SLC26A9: variants seen among roughly 807,000 people sequenced by gnomAD.
The protein encoded by SLC26A9 is solute carrier family 26 member 9.
In SLC26A9, 46 loss-of-function variants were observed where a neutral mutation model predicts 87.1. The observed-to-expected ratio is 0.53, with a 90% confidence interval of 0.42 to 0.67. The LOEUF (loss-of-function observed/expected upper bound fraction) is 0.67. SLC26A9 is among the 30% of genes least tolerant of loss of function. The probability of loss-of-function intolerance (pLI) is 0.00; values close to 1 mark genes in which losing one functional copy is unlikely to be tolerated. For missense variants in SLC26A9, 927 were observed against 1,018.3 expected (o/e 0.91, Z 1.22); for synonymous variants, 437 against 409.1 (o/e 1.07, Z -0.82).
chr1:205,941,306 T>C (rs1416699931), intron 1 of SLC26A9, among the ~76,000 whole-genome samples: 1 of 152,100 alleles, frequency 6.6e-6, no homozygotes, highest in Non-Finnish European at 1.5e-5. Flanking sequence ...GGAGCTGGGA[T>C]TACTGGTGCG....
chr1:205,920,080 C>A, intron 18 of SLC26A9, 96 bp downstream of exon 18: 1 of 1,429,908 alleles, frequency 7.0e-7, no homozygotes, highest in African/African-American at 1.4e-5. Flanking sequence ...TGGGTGCTCT[C>A]GTTTCCAACC....
At chr1:205,929,438 G>C (rs940685245) in intron 6 of SLC26A9, 82 bp from the exon 7 acceptor site, 3 of 1,554,808 alleles carry the variant, frequency 1.9e-6, no homozygotes, top group Non-Finnish European at 2.6e-6. Flanking sequence ...ACCCAGGGAA[G>C]GGATGCCATC....
Position 205,914,876 on chromosome 1 carries a change from C to A in SLC26A9, c.*481G>T, listed in dbSNP as rs1658510172. 3.8e-6 allele frequency: 6 copies of A among 1,596,976 alleles called. No homozygotes were observed. Among genetic ancestry groups the A allele is most frequent in the Non-Finnish European group, 5.1e-6 (6 of 1,170,734 alleles). On this transcript the variant is annotated 3_prime_UTR_variant, in exon 21 of 21. Transcript: ENST00000367135. ...CAGCTGGGGAAGGCAAGCCAGAGTC[C>A]TAACCAAGTTTATCCCTATGTCCGT... is the stretch of plus-strand genomic sequence containing the variant.
Position 205,938,777 on chromosome 1 carries a change from A to G in SLC26A9, c.-18-2939T>C, listed in dbSNP as rs144919159. Among the ~76,000 whole-genome samples, 3 of 151,816 alleles carry G rather than the reference A, an allele frequency of 2.0e-5. No homozygotes were observed. In the East Asian group the frequency reaches 5.8e-4, roughly 29 times the overall value. On this transcript the variant is annotated intron_variant, in intron 1 of 20. Transcript: ENST00000367135. The stretch of plus-strand genomic sequence containing the variant: ...TGAAGCCTTTCCTGACCACCTTGAA[A>G]CCCTGAAGGATTTCTCTTTCTCCCA...
intron 7 of SLC26A9, 29 bp downstream of exon 7, chr1:205,929,175 A>G (rs757919437): frequency 1.2e-5 from 19 of 1,598,468 alleles, no homozygotes; most frequent in African/African-American, 2.7e-5. Flanking sequence ...CTGGCCCCCC[A>G]ACATCCCAGC....
At chr1:205,935,559 C>G in intron 2 of SLC26A9, 137 bp downstream of exon 2, 1 of 1,352,798 alleles carries the variant, frequency 7.4e-7, no homozygotes, top group Non-Finnish European at 1.0e-6. Context: ...ATCTTAAATT[C>G]ATCATTCAGA....
chr1:205,925,849 G>A (rs1456180912), intron 12 of SLC26A9, among the ~76,000 whole-genome samples: 2 of 152,220 alleles, frequency 1.3e-5, no homozygotes, highest in South Asian at 2.1e-4. Context: ...AGGCAGTGTC[G>A]TCAAAACACA....
chr1:205,921,392 A>C (rs1658820591), intron 17 of SLC26A9, among the ~76,000 whole-genome samples, 174 bp downstream of exon 17: 1 of 152,070 alleles, frequency 6.6e-6, no homozygotes, highest in African/African-American at 2.4e-5. Context: ...TGCTCTGTGG[A>C]GAATGTCTCA....
rs7549173 is a variant in SLC26A9, at chr1:205,937,769, C to A, written c.-18-1931G>T. Among the ~76,000 whole-genome samples the A allele has an allele frequency of 2.6e-5, 4 of 151,946 alleles. No homozygotes were observed. The East Asian group carries it at 7.7e-4, about 29-fold the overall frequency. ...TCTGGCTGTCCAGGTGGTTTGCCTG[C>A]GGGGGCTCAATGAGTGGGGAGCATG... On this transcript the variant is annotated intron_variant, in intron 1 of 20. Coordinates refer to ENST00000367135, the MANE Select transcript of SLC26A9 (RefSeq NM_052934.4).
intron 16 of SLC26A9, among the ~76,000 whole-genome samples, chr1:205,922,375 G>T (rs563095214): frequency 2.8e-4 from 43 of 152,304 alleles, no homozygotes; most frequent in African/African-American, 1.0e-3. Context: ...CTGAACTCAT[G>T]AGAGTGATTC....
rs778172781 is a variant in SLC26A9, at chr1:205,935,704, A to G, written c.117T>C (p.Asn39=). ...RTYPVGEKLR[N]AFRCSSAKIK... is the part of the protein sequence containing the mutation. The stretch of plus-strand genomic sequence containing the variant: ...GGCTCTGGACCAGTTACCTGAAGGC[A>G]TTGCGAAGTTTCTCTCCCACTGGGT... Residue 39 remains asparagine (N), a synonymous_variant, in exon 2 of 21, where the codon AAT becomes AAC. Coordinates refer to ENST00000367135, the MANE Select transcript of SLC26A9 (RefSeq NM_052934.4). 1.2e-6 allele frequency: 2 copies of G among 1,614,036 alleles called. No homozygotes were observed. Among genetic ancestry groups the G allele is most frequent in the South Asian group, 2.2e-5 (2 of 91,072 alleles).
At chr1:205,921,539 G>A in intron 17 of SLC26A9, 27 bp downstream of exon 17, 1 of 1,594,592 alleles carries the variant, frequency 6.3e-7, no homozygotes, top group Non-Finnish European at 8.5e-7. Flanking sequence ...TGGAGTGGGT[G>A]GTGCTTGCTG....
chr1:205,921,931 G>A (rs193111310), intron 16 of SLC26A9, 84 bp from the exon 17 acceptor site: 5 of 1,479,826 alleles, frequency 3.4e-6, no homozygotes, highest in African/African-American at 1.4e-5. Flanking sequence ...GGCATGGAGG[G>A]TGTAGGTGTA....
chr1:205,934,894 C>T (rs1558128775), intron 2 of SLC26A9, among the ~76,000 whole-genome samples: 1 of 152,188 alleles, frequency 6.6e-6, no homozygotes, highest in South Asian at 2.1e-4. Context: ...GTGATTCCCC[C>T]GGCCTGAACC....
chr1:205,923,869 T>C (rs1366074946), intron 13 of SLC26A9, among the ~76,000 whole-genome samples: 1 of 152,088 alleles, frequency 6.6e-6, no homozygotes, highest in East Asian at 1.9e-4. Flanking sequence ...GTGGGAGAAG[T>C]GGTGGGAGTC....
chr1:205,929,464 A>T (rs1659221236), intron 6 of SLC26A9, 108 bp from the exon 7 acceptor site: 1 of 1,478,402 alleles, frequency 6.8e-7, no homozygotes, highest in Non-Finnish European at 9.0e-7. Flanking sequence ...TAATGGAGGC[A>T]CACCAAGACA....
In SLC26A9 at chr1:205,927,639, G is replaced by T. The variant is rs765978414; in HGVS notation, c.1102-34C>A. ...AGGGGACAGGATTAGAAGCCAGTGT[G>T]GGGCTGGGGGGCACGGGGACCAAGT... is the stretch of plus-strand genomic sequence containing the variant. On this transcript the variant is annotated intron_variant, in intron 9 of 20. Coordinates refer to ENST00000367135, the MANE Select transcript of SLC26A9 (RefSeq NM_052934.4). 2.5e-6 allele frequency: 4 copies of T among 1,589,160 alleles called. No homozygotes were observed. In the South Asian group the frequency reaches 4.6e-5, roughly 18 times the overall value.
At chr1:205,928,217 C>A in intron 8 of SLC26A9, 168 bp from the exon 9 acceptor site, 3 of 773,054 alleles carry the variant, frequency 3.9e-6, no homozygotes, top group Non-Finnish European at 6.0e-6. Context: ...AGGGTAGGGA[C>A]CATCACTCCT....
In SLC26A9 at chr1:205,920,207, G is replaced by A. The variant is rs1437004223; in HGVS notation, c.2079C>T (p.Ile693=). 2.5e-6 allele frequency: 4 copies of A among 1,613,910 alleles called. No individual in the cohort carries two copies. Among genetic ancestry groups the A allele is most frequent in the African/African-American group, 2.7e-5 (2 of 74,908 alleles). ...LAKLSSTYGK[I]GVKVFLVNIH... ...TGTTCACCAAGAAGACCTTCACGCC[G>A]ATCTTCCCATAGGTGGAGCTCAGCT... The change falls in exon 18 of 21, where the codon ATC becomes ATT. Residue 693 remains isoleucine, a synonymous_variant. Transcript: ENST00000367135.
Sources: gnomAD v4.1 joint callset for allele counts (sites outside exome capture counted in the v4.1 genomes callset) on GRCh38, gnomAD v4.1.1 for gene constraint, MANE v1.5 for transcripts, NCBI Gene and HGNC (gene_info 2026-07-23, HGNC 2026-07-21) for gene names.